The following AP3B2 variants were observed in gnomAD, a reference collection of about 807,000 sequenced individuals.
AP3B2 encodes AP-3 complex subunit beta-2.
Under a neutral mutation model 126.9 loss-of-function variants are expected in AP3B2, and 50 were observed. That is an observed-to-expected ratio of 0.39 (90% CI 0.31 to 0.50). The LOEUF (loss-of-function observed/expected upper bound fraction) is 0.50. Among genes scored for constraint, AP3B2 ranks in the 20% least tolerant of loss-of-function variants. The pLI is 0.79. For missense variants in AP3B2, 1,177 were observed against 1,426.4 expected (o/e 0.83, Z 2.82); for synonymous variants, 541 against 565.0 (o/e 0.96, Z 0.60).
intron 14 of AP3B2, among the ~76,000 whole-genome samples, chr15:82,674,307 C>T (rs994656832): frequency 6.6e-6 from 1 of 152,194 alleles, no homozygotes; most frequent in African/African-American, 2.4e-5. Flanking sequence ...AGGACTCCCC[C>T]TTCTTTACCA....
At chr15:82,696,073 C>G (rs548869686) in intron 1 of AP3B2, among the ~76,000 whole-genome samples, 1 of 152,234 alleles carries the variant, frequency 6.6e-6, no homozygotes, top group East Asian at 1.9e-4. Flanking sequence ...TTCTGCGTGC[C>G]TATATCCAAA....
chr15:82,666,965 CGGG>C, intron 14 of AP3B2, 32 bp from the exon 15 acceptor site: 2 of 1,591,712 alleles, frequency 1.3e-6, no homozygotes, highest in Admixed American at 1.7e-5. Context: ...GGTCAGCTGA[CGGG>C]GGGATGGGGA....
intron 4 of AP3B2, chr15:82,685,621 T>C (rs1344230962): frequency 6.6e-6 from 1 of 152,222 alleles, no homozygotes; most frequent in Non-Finnish European, 1.5e-5. Flanking sequence ...CCTGTTTTCC[T>C]TTTTTGTGTG....
rs775523551 is a variant in AP3B2 at position 82,666,938 on chromosome 15, A to T, written c.1666-5T>A. 2 of 1,605,182 alleles carry T rather than the reference A, an allele frequency of 1.2e-6. No individual in the cohort carries two copies. Among genetic ancestry groups the T allele is most frequent in the Non-Finnish European group, 1.7e-6 (2 of 1,172,994 alleles). On this transcript the variant is annotated splice_polypyrimidine_tract_variant and splice_region_variant and intron_variant, in intron 14 of 26. Transcript: ENST00000535359. The stretch of plus-strand genomic sequence containing the variant: ...ATACTGGGTCAGCAGCTTGGTCTGG[A>T]GGAACAGGAAGAGGTGGGTCAGCTG...
rs889758799 is a variant in AP3B2, at chr15:82,680,423, G to A, written c.1055+49C>T. The A allele has an allele frequency of 9.7e-6, 14 of 1,447,600 alleles. No individual in the cohort carries two copies. The highest frequency in any genetic ancestry group is 4.9e-5 in the Admixed American group (2 of 40,730). 89.7% of individuals were successfully genotyped at this position (1,447,600 alleles called of 1,614,324 possible). ...AGGGGGCGGAGCCGGGCAGCCCGTGGGGCGGGGCAGGAGGCGAGGGAGGGG... is the reference window on the plus strand; with the variant it reads ...AGGGGGCGGAGCCGGGCAGCCCGTGAGGCGGGGCAGGAGGCGAGGGAGGGG... On this transcript the variant is annotated intron_variant, in intron 8 of 26. Transcript: ENST00000535359. This position sits in a 1 kb window ranked among gnomAD's most constrained non-coding sequence, Gnocchi z 6.1.
At chr15:82,684,422 CCT>C (rs1156431245) in intron 4 of AP3B2, among the ~76,000 whole-genome samples, 1 of 152,204 alleles carries the variant, frequency 6.6e-6, no homozygotes, top group African/African-American at 2.4e-5. Flanking sequence ...AGCTTCCTCA[CCT>C]CTCTCAGCCA....
rs2047958303 is a variant in AP3B2 at position 82,661,920 on chromosome 15, G to A, written c.2921C>T (p.Thr974Ile). The change falls in exon 25 of 27, where the codon ACC (threonine) becomes ATC (isoleucine). Residue 974 changes from threonine (T) to isoleucine (I), a missense_variant and splice_region_variant. This residue lies in a region of AP3B2 where 587 missense variants were observed against 571.3 expected (regional missense o/e 1.03). Coordinates refer to ENST00000535359, the MANE Select transcript of AP3B2 (RefSeq NM_001278512.2). ...GGAGACGTAGAACTGTCGGGTCTGG[G>A]TGCTGGGAGGGGTGGGAGGAAACGG... The part of the protein sequence containing the change: ...STQAANFQLC[T>I]QTRQFYVSIQ... 2 of 1,613,616 alleles carry A rather than the reference G, an allele frequency of 1.2e-6. No homozygotes were observed. The highest frequency in any genetic ancestry group is 1.7e-6 in the Non-Finnish European group (2 of 1,179,674).
Position 82,681,284 on chromosome 15 carries a change from C to A in AP3B2, c.522-106G>T. Reference sequence around the variant, plus strand: ...TGCACCCCAGCCTTATTGTTCTCCTCCATCTCTGTCAGTCCCCCAAACTAC... The same window carrying A: ...TGCACCCCAGCCTTATTGTTCTCCTACATCTCTGTCAGTCCCCCAAACTAC... On this transcript the variant is annotated intron_variant, in intron 5 of 26. Transcript: ENST00000535359. This position sits in a 1 kb window ranked among gnomAD's most constrained non-coding sequence, Gnocchi z 4.0. 6.6e-7 allele frequency: 1 copy of A among 1,516,666 alleles called. No homozygotes were observed. The highest frequency in any genetic ancestry group is 9.0e-7 in the Non-Finnish European group (1 of 1,115,640). 94.0% of individuals were successfully genotyped at this position (1,516,666 alleles called of 1,614,324 possible). A position where few individuals can be genotyped will look rare whatever the true frequency, so the allele number is the denominator to read the frequency against.
chr15:82,698,910 T>C (rs1003610482), intron 1 of AP3B2, among the ~76,000 whole-genome samples: 3 of 152,058 alleles, frequency 2.0e-5, no homozygotes, highest in African/African-American at 7.2e-5. Flanking sequence ...ACAGGTAAGA[T>C]TGACTGTCGA....
chr15:82,685,567 GTC>G (rs1317722800), intron 4 of AP3B2: 1 of 152,218 alleles, frequency 6.6e-6, no homozygotes, highest in Non-Finnish European at 1.5e-5. Context: ...AAAGGAAGGA[GTC>G]TCTGTTTTCT....
In AP3B2 at chr15:82,666,832, G is replaced by T. The variant is rs776921804; in HGVS notation, c.1767C>A (p.Ser589=). ...ARFTRQLIVP[S]EQGGALSRHA... Reference sequence around the variant, plus strand: ...GGCGGCTGAGGGCCCCACCCTGCTCGGAAGGGACGATGAGCTGCCGGGTGA... The same window carrying T: ...GGCGGCTGAGGGCCCCACCCTGCTCTGAAGGGACGATGAGCTGCCGGGTGA... The change falls in exon 15 of 27, where the codon TCC becomes TCA. Residue 589 remains serine (S), a synonymous_variant. Transcript: ENST00000535359. The T allele has an allele frequency of 4.0e-5, 65 of 1,613,900 alleles. No homozygotes were observed. Among genetic ancestry groups the T allele is most frequent in the Admixed American group, 3.2e-4 (19 of 60,006 alleles).
rs2048344652 is a variant in AP3B2 at position 82,681,860 on chromosome 15, A to C, written c.361-280T>G. 6.6e-6 allele frequency among the ~76,000 whole-genome samples: 1 copy of C among 152,128 alleles called. No individual in the cohort carries two copies. Among genetic ancestry groups the C allele is most frequent in the South Asian group, 2.1e-4 (1 of 4,836 alleles). ...ACACCTAAAATTGCTGAAACACCTG[A>C]AACACTTCCTGTTCCTTGTAAGGGT... is the stretch of plus-strand genomic sequence containing the variant. On this transcript the variant is annotated intron_variant, in intron 4 of 26. Transcript: ENST00000535359. The surrounding 1 kb of genome is among the most constrained non-coding windows in gnomAD (Gnocchi z 4.0).
chr15:82,663,993 G>C lies in AP3B2; in HGVS notation c.2262-18C>G. ...TCTGTTCACTGAAGGAGTGGGAAAG[G>C]TTGGCTCAGGCCTGGCCTGGACACT... On this transcript the variant is annotated intron_variant, in intron 19 of 26. Transcript: ENST00000535359. 1 of 1,597,674 alleles carries C rather than the reference G, an allele frequency of 6.3e-7. No homozygotes were observed. Among genetic ancestry groups the C allele is most frequent in the Non-Finnish European group, 8.5e-7 (1 of 1,177,854 alleles).
At chr15:82,702,706 C>A (rs988928817) in intron 1 of AP3B2, among the ~76,000 whole-genome samples, 21 of 152,142 alleles carry the variant, frequency 1.4e-4, no homozygotes, top group African/African-American at 5.1e-4. Flanking sequence ...GGCCTGCAAC[C>A]AGGTGATTAA....
At chr15:82,704,122 GT>G (rs2048760922) in intron 1 of AP3B2, among the ~76,000 whole-genome samples, 1 of 152,178 alleles carries the variant, frequency 6.6e-6, no homozygotes, top group Non-Finnish European at 1.5e-5. Context: ...TGCCAAATCA[GT>G]TAGTATTTAG....
Position 82,664,002 on chromosome 15 carries a change from G to A in AP3B2, c.2262-27C>T, listed in dbSNP as rs1163370703. 1 of 1,592,474 alleles carries A rather than the reference G, an allele frequency of 6.3e-7. No individual in the cohort carries two copies. Among genetic ancestry groups the A allele is most frequent in the East Asian group, 2.2e-5 (1 of 44,712 alleles). The stretch of plus-strand genomic sequence containing the variant: ...TGAAGGAGTGGGAAAGGTTGGCTCA[G>A]GCCTGGCCTGGACACTCCCTCCTTG... On this transcript the variant is annotated intron_variant, in intron 19 of 26. Transcript: ENST00000535359. The surrounding 1 kb of genome is among the most constrained non-coding windows in gnomAD (Gnocchi z 4.5).
Position 82,680,258 on chromosome 15 carries a change from G to A in AP3B2, c.1056-29C>T. The A allele has an allele frequency of 1.9e-6, 3 of 1,613,272 alleles. No individual in the cohort carries two copies. Among genetic ancestry groups the A allele is most frequent in the Non-Finnish European group, 2.5e-6 (3 of 1,179,746 alleles). ...CGGAGAGGACGGGTCAGAGCACCCC[G>A]GGCCCCTCGGTTGGGGCAAGGGTCA... is the stretch of plus-strand genomic sequence containing the variant. On this transcript the variant is annotated intron_variant, in intron 8 of 26. Coordinates refer to ENST00000535359, the MANE Select transcript of AP3B2 (RefSeq NM_001278512.2). The surrounding 1 kb of genome is among the most constrained non-coding windows in gnomAD (Gnocchi z 6.1).
chr15:82,660,962 C>CCT (rs1241009909), intron 25 of AP3B2, among the ~76,000 whole-genome samples: 3 of 152,050 alleles, frequency 2.0e-5, no homozygotes, highest in Non-Finnish European at 4.4e-5. Context: ...TAGCAATGAC[C>CCT]CTCTCTCCCT....
At chr15:82,688,657 A>C in intron 4 of AP3B2, 79 bp downstream of exon 4, 1 of 1,343,436 alleles carries the variant, frequency 7.4e-7, no homozygotes, top group Non-Finnish European at 1.0e-6. Flanking sequence ...TCCCATGCTC[A>C]TGGCCTCTCC....
Sources: allele counts gnomAD v4.1 joint callset (sites outside exome capture counted in the v4.1 genomes callset), GRCh38; gene constraint gnomAD v4.1.1; regional missense constraint gnomAD v4.1.1; non-coding constraint Gnocchi (gnomAD v3.1); transcripts MANE v1.5; gene names NCBI Gene and HGNC (gene_info 2026-07-23, HGNC 2026-07-21).